The following PTK2B variants were observed in gnomAD, a reference collection of about 807,000 sequenced individuals.
PTK2B encodes the protein protein-tyrosine kinase 2-beta.
Under a neutral mutation model 142.9 loss-of-function variants are expected in PTK2B, and 71 were observed. The observed-to-expected ratio is 0.50, with a 90% CI of 0.41 to 0.61. The LOEUF (loss-of-function observed/expected upper bound fraction) is 0.61. PTK2B is among the 20% of genes least tolerant of loss of function. The pLI, the probability that PTK2B is intolerant of heterozygous loss-of-function variation, is 0.00. For missense variants in PTK2B, 1,105 were observed against 1,320.4 expected (o/e 0.84, Z 2.53); for synonymous variants, 519 against 503.4 (o/e 1.03, Z -0.42).
chr8:27,430,502 C>A, intron 7 of PTK2B, 84 bp downstream of exon 7: 1 of 1,557,984 alleles, frequency 6.4e-7, no homozygotes, highest in Non-Finnish European at 8.8e-7. Flanking sequence ...TGGGGATACT[C>A]AGAGAAGCCA....
chr8:27,327,678 C>T (rs1436201791), intron 1 of PTK2B, among the ~76,000 whole-genome samples: 2 of 152,138 alleles, frequency 1.3e-5, no homozygotes, highest in Non-Finnish European at 2.9e-5. Flanking sequence ...AAAATCAATT[C>T]CTTGGTCAGT....
chr8:27,434,516 C>A lies in PTK2B; in HGVS notation c.1149C>A (p.Asn383Lys). 5 of 1,609,560 alleles carry A rather than the reference C, an allele frequency of 3.1e-6. No homozygotes were observed. Among genetic ancestry groups the A allele is most frequent in the Non-Finnish European group, 4.2e-6 (5 of 1,178,060 alleles). ...RNSLPQIPML[N>K]LEARRSHLSE... ...TCTGCTCTCTCACCTCCTACAGAAACCTGGAGGCCCGGCGGTCCCACCTCT... is the reference window on the plus strand; with the variant it reads ...TCTGCTCTCTCACCTCCTACAGAAAACTGGAGGCCCGGCGGTCCCACCTCT... The change falls in exon 13 of 31, where the codon AAC becomes AAA. Residue 383 changes from asparagine (N) to lysine (K), a missense_variant. Coordinates refer to ENST00000346049, the MANE Select transcript of PTK2B (RefSeq NM_173176.3).
chr8:27,373,735 A>G (rs1806497643), intron 1 of PTK2B, among the ~76,000 whole-genome samples: 2 of 152,042 alleles, frequency 1.3e-5, no homozygotes, highest in African/African-American at 4.8e-5. Context: ...AACTCTCATG[A>G]AAAACCAGCA....
intron 30 of PTK2B, among the ~76,000 whole-genome samples, chr8:27,455,446 G>T (rs1472337783): frequency 6.6e-6 from 1 of 152,260 alleles, no homozygotes; most frequent in Non-Finnish European, 1.5e-5. Context: ...CTGCTCAGAA[G>T]GCTGAGGTGA....
chr8:27,313,907 T>C lies in PTK2B; in HGVS notation c.-414+620T>C, dbSNP rs188161376. 2.0e-5 allele frequency among the ~76,000 whole-genome samples: 3 copies of C among 152,326 alleles called. No homozygotes were observed. In the East Asian group the frequency reaches 5.8e-4, roughly 29 times the overall value. On this transcript the variant is annotated intron_variant, in intron 3 of 35. Coordinates refer to the PTK2B transcript ENST00000397501. ...AGCTGTGGACCATCAGGGAATTGTC[T>C]CTCTCCCTCTCTCTGGCCCATCTGC...
intron 1 of PTK2B, among the ~76,000 whole-genome samples, chr8:27,371,628 A>G (rs1456140430): frequency 1.3e-5 from 2 of 151,618 alleles, no homozygotes; most frequent in African/African-American, 2.4e-5. Context: ...GCTCACTGCA[A>G]CCTCCGCCCT....
At chr8:27,422,028 A>G (rs1167361078) in intron 4 of PTK2B, among the ~76,000 whole-genome samples, 1 of 152,224 alleles carries the variant, frequency 6.6e-6, no homozygotes, top group Non-Finnish European at 1.5e-5. Context: ...TCTTCTATCC[A>G]AAATGGGGGG....
At chr8:27,416,727 T>C (rs1215173996) in intron 2 of PTK2B, among the ~76,000 whole-genome samples, 1 of 152,182 alleles carries the variant, frequency 6.6e-6, no homozygotes, top group Non-Finnish European at 1.5e-5. Context: ...AAAATACTTT[T>C]ACCTAGAATG....
rs144884661 is a variant in PTK2B at position 27,333,862 on chromosome 8, CCCTT to C, written c.-38+8182_-38+8185del. Among the ~76,000 whole-genome samples the C allele has an allele frequency of 3.6e-3, 553 of 151,918 alleles. 8 individuals are homozygous for C. Among genetic ancestry groups the C allele is most frequent in the African/African-American group, 0.012 (479 of 41,492 alleles). ...ATGATTCCCAGGACCCTCCCTCCCTCCCTTAGCCCTCACTTCTAAGAGTCTGTAA... is the reference window on the plus strand; with the variant it reads ...ATGATTCCCAGGACCCTCCCTCCCTCAGCCCTCACTTCTAAGAGTCTGTAA... On this transcript the variant is annotated intron_variant, in intron 1 of 30. Coordinates refer to ENST00000346049, the MANE Select transcript of PTK2B (RefSeq NM_173176.3).
intron 2 of PTK2B, among the ~76,000 whole-genome samples, chr8:27,416,811 C>T (rs1809428555): frequency 6.6e-6 from 1 of 152,272 alleles, no homozygotes; most frequent in Admixed American, 6.5e-5. Flanking sequence ...CAAACAACCA[C>T]TTTACAGAGG....
chr8:27,434,394 G>A (rs1003649733), intron 12 of PTK2B, 119 bp from the exon 13 acceptor site: 12 of 1,226,898 alleles, frequency 9.8e-6, no homozygotes, highest in Non-Finnish European at 1.4e-5. Context: ...CCAGGTCATT[G>A]CTAATTTGGA....
chr8:27,436,292 C>T lies in PTK2B; in HGVS notation c.1285C>T (p.Arg429Cys), dbSNP rs201274282. ...GIAREDVVLN[R>C]ILGEGFFGEV... The stretch of plus-strand genomic sequence containing the variant: ...TGCCCGTGAAGATGTGGTCCTGAAT[C>T]GTATTCTTGGGGAAGGCTTTTTTGG... Residue 429 changes from arginine to cysteine, a missense_variant, in exon 15 of 31, where the codon CGT (arginine) becomes TGT (cysteine). Physicochemically the swap from Arg to Cys is radical, Grantham distance 180. Transcript: ENST00000346049. The T allele has an allele frequency of 1.2e-5, 19 of 1,614,170 alleles. No individual in the cohort carries two copies. Among genetic ancestry groups the T allele is most frequent in the Admixed American group, 1.0e-4 (6 of 60,012 alleles).
upstream of PTK2B, chr8:27,310,838 C>T (rs1326812007): frequency 1.2e-6 from 2 of 1,607,606 alleles, no homozygotes; most frequent in Admixed American, 1.7e-5. Flanking sequence ...CGGCTGCACG[C>T]GGTGCCCCTG....
chr8:27,405,733 T>G (rs1808672934), intron 2 of PTK2B, among the ~76,000 whole-genome samples: 1 of 152,264 alleles, frequency 6.6e-6, no homozygotes, highest in South Asian at 2.1e-4. Context: ...AAATTGGCAG[T>G]CAGGTGCCTG....
intron 2 of PTK2B, among the ~76,000 whole-genome samples, chr8:27,312,950 A>G (rs1288534335): frequency 1.3e-5 from 2 of 152,194 alleles, no homozygotes; most frequent in African/African-American, 4.8e-5. Flanking sequence ...AGCAACCTCA[A>G]TTCTTGCCTC....
chr8:27,437,905 G>A (rs565437493), intron 18 of PTK2B, 25 bp downstream of exon 18: 81 of 1,576,086 alleles, frequency 5.1e-5, no homozygotes, highest in South Asian at 3.4e-4. Flanking sequence ...AGTGGCCAGC[G>A]GTATGGAAGC....
chr8:27,385,529 C>T (rs547117988), intron 1 of PTK2B, among the ~76,000 whole-genome samples: 1 of 152,292 alleles, frequency 6.6e-6, no homozygotes, highest in African/African-American at 2.4e-5. Flanking sequence ...GGCCTGGTTG[C>T]TTCCTCATCT....
At chr8:27,442,781 G>A in intron 21 of PTK2B, 94 bp from the exon 22 acceptor site, 1 of 1,059,952 alleles carries the variant, frequency 9.4e-7, no homozygotes, top group Non-Finnish European at 1.4e-6. Context: ...CCTTGCCCAG[G>A]CCTCTCTGGG....
At chr8:27,356,618 A>G (rs920300889) in intron 1 of PTK2B, among the ~76,000 whole-genome samples, 1 of 152,242 alleles carries the variant, frequency 6.6e-6, no homozygotes, top group African/African-American at 2.4e-5. Context: ...CTGAAGCAGG[A>G]CTAGCCCTCT....
Sources: gnomAD v4.1 joint callset for allele counts (sites outside exome capture counted in the v4.1 genomes callset) on GRCh38, gnomAD v4.1.1 for gene constraint, MANE v1.5 for transcripts, NCBI Gene and HGNC (gene_info 2026-07-23, HGNC 2026-07-21) for gene names.